Variants in DLGAP2 observed in about 807,000 individuals in gnomAD.
DLGAP2 encodes DLG associated protein 2.
In DLGAP2, 26 loss-of-function variants were observed where a neutral mutation model predicts 100.3. That is an observed-to-expected ratio of 0.26 (90% CI 0.19 to 0.36). The LOEUF (loss-of-function observed/expected upper bound fraction) is 0.36, where lower values mean the gene tolerates loss of function less well. Among genes scored for constraint, DLGAP2 ranks in the 10% least tolerant of loss-of-function variants. The pLI is 1.00. For synonymous variants in DLGAP2, 886 were observed against 630.1 expected, an observed-to-expected ratio of 1.41 and a Z score of -6.08; for missense variants, 1,858 against 1,453.2, an observed-to-expected ratio of 1.28 and a Z score of -4.53.
At chr8:975,822 A>G (rs185542127) in intron 2 of DLGAP2, among the ~76,000 whole-genome samples, 51 of 152,342 alleles carry the variant, frequency 3.3e-4, no homozygotes, top group African/African-American at 1.2e-3. Context: ...ATCAGAAGCA[A>G]AACACTCTTA....
At chr8:1,310,703 G>T (rs1800593855) in intron 3 of DLGAP2, among the ~76,000 whole-genome samples, 1 of 152,000 alleles carries the variant, frequency 6.6e-6, no homozygotes, top group East Asian at 1.9e-4. Context: ...TGTCACCCAG[G>T]CTGGAGTGCA....
Position 1,179,179 on chromosome 8 carries a change from G to A in DLGAP2, c.74-79672G>A, listed in dbSNP as rs73534868. Among the ~76,000 whole-genome samples, 1,153 of 152,362 alleles carry A rather than the reference G, an allele frequency of 7.6e-3. 18 individuals are homozygous for A. The highest frequency in any genetic ancestry group is 0.026 in the African/African-American group (1,091 of 41,592). On this transcript the variant is annotated intron_variant, in intron 2 of 14. Transcript: ENST00000637795. ...TTCTTTAATCCCTCAAGTGCCCAAA[G>A]AAAGTAAATGGCAAAGCCTGTTGTT... is the stretch of plus-strand genomic sequence containing the variant.
chr8:818,642 T>C (rs1394911555), intron 1 of DLGAP2, among the ~76,000 whole-genome samples: 1 of 152,206 alleles, frequency 6.6e-6, no homozygotes, highest in Non-Finnish European at 1.5e-5. Context: ...TAGTCCTGCC[T>C]CCTATCTGTC....
chr8:1,549,213 G>T lies in DLGAP2; in HGVS notation c.760G>T (p.Ala254Ser). ...HSLEGSSKSN[A>S]NGTKADGRAD... The stretch of plus-strand genomic sequence containing the variant: ...GCTGGAGGGCTCCTCCAAAAGCAAC[G>T]CCAACGGCACCAAGGCGGACGGCCG... The change falls in exon 5 of 15, where the codon GCC becomes TCC. Residue 254 changes from alanine to serine, a missense_variant. By Grantham distance (99) the Ala-to-Ser change is moderately conservative. Coordinates refer to ENST00000637795, the MANE Select transcript of DLGAP2 (RefSeq NM_001346810.2). 1 of 1,602,802 alleles carries T rather than the reference G, an allele frequency of 6.2e-7. No individual in the cohort carries two copies. Among genetic ancestry groups the T allele is most frequent in the Non-Finnish European group, 8.5e-7 (1 of 1,175,510 alleles).
At chr8:1,174,092 T>C (rs552040095) in intron 2 of DLGAP2, among the ~76,000 whole-genome samples, 45 of 152,122 alleles carry the variant, frequency 3.0e-4, no homozygotes, top group Non-Finnish European at 5.1e-4. Flanking sequence ...GGGAGCAGTG[T>C]TAAACAGTGA....
At chr8:1,694,107 C>T (rs1044587942) in intron 13 of DLGAP2, among the ~76,000 whole-genome samples, 2 of 152,200 alleles carry the variant, frequency 1.3e-5, no homozygotes, top group Non-Finnish European at 2.9e-5. Flanking sequence ...ATTGTTCATC[C>T]TAATATTTGT....
rs34991453 is a variant in DLGAP2, at chr8:741,106, T to C, written c.18+3281T>C. ...AGGCTTTCTAGTGCCACTAACTTCT[T>C]CAATATGTTTTGTTGTTTCCTGGGT... On this transcript the variant is annotated intron_variant, in intron 1 of 14. Transcript: ENST00000637795. Among the ~76,000 whole-genome samples the C allele has an allele frequency of 8.1e-3, 1,236 of 152,348 alleles. 3 individuals are homozygous for C. The highest frequency in any genetic ancestry group is 0.017 in the South Asian group (83 of 4,832).
intron 2 of DLGAP2, among the ~76,000 whole-genome samples, chr8:986,431 C>T (rs561037813): frequency 7.1e-4 from 108 of 152,254 alleles, no homozygotes; most frequent in African/African-American, 2.6e-3. Flanking sequence ...TTTCTCTAGA[C>T]ATTTTAGTAT....
intron 6 of DLGAP2, among the ~76,000 whole-genome samples, chr8:1,614,955 C>T (rs192568840): frequency 1.3e-5 from 2 of 152,366 alleles, no homozygotes; most frequent in East Asian, 1.9e-4. Context: ...CGCGCTCACT[C>T]GCGGCTGCCC....
At chr8:868,354 C>T (rs184492250) in intron 1 of DLGAP2, among the ~76,000 whole-genome samples, 18 of 152,244 alleles carry the variant, frequency 1.2e-4, no homozygotes, top group Non-Finnish European at 2.6e-4. Context: ...CATGTACTTA[C>T]AAGGTCACCT....
intron 2 of DLGAP2, among the ~76,000 whole-genome samples, chr8:1,255,041 C>CTGGGT (rs1799155959): frequency 1.6e-5 from 1 of 60,870 alleles, no homozygotes; most frequent in African/African-American, 5.2e-5. Context: ...CCTGCCCAGC[C>CTGGGT]GCTGTGTGTG....
chr8:1,357,719 A>C (rs1801889029), intron 3 of DLGAP2, among the ~76,000 whole-genome samples: 1 of 152,198 alleles, frequency 6.6e-6, no homozygotes, highest in South Asian at 2.1e-4. Flanking sequence ...TGCGATACGC[A>C]GCACCACACC....
chr8:1,320,569 A>G (rs28623214), intron 3 of DLGAP2, among the ~76,000 whole-genome samples: 55,656 of 152,058 alleles, frequency 0.37, 10,602 homozygotes, highest in Middle Eastern at 0.47. Flanking sequence ...GCTTGAGCTC[A>G]GCCTGGTGCT....
At chr8:771,602 C>T (rs1012128516) in intron 1 of DLGAP2, among the ~76,000 whole-genome samples, 3 of 152,212 alleles carry the variant, frequency 2.0e-5, no homozygotes, top group South Asian at 4.1e-4. Context: ...TAGTCCAACC[C>T]AGGTGGTTTA....
Position 786,647 on chromosome 8 carries a change from C to G in DLGAP2, c.18+48822C>G, listed in dbSNP as rs149506073. Among the ~76,000 whole-genome samples, 464 of 151,922 alleles carry G rather than the reference C, an allele frequency of 3.1e-3. 1 individual carries two copies. Among genetic ancestry groups the G allele is most frequent in the African/African-American group, 0.011 (437 of 41,416 alleles). On this transcript the variant is annotated intron_variant, in intron 1 of 14. Transcript: ENST00000637795. The stretch of plus-strand genomic sequence containing the variant: ...AGAGACGGGCGCTGCCTCGGTGGTG[C>G]CTGCAGAGACCTCCGGGGAGGGGCC...
rs182502002 is a variant in DLGAP2 at position 910,116 on chromosome 8, G to C, written c.73+2150G>C. Among the ~76,000 whole-genome samples, 73 of 152,324 alleles carry C rather than the reference G, an allele frequency of 4.8e-4. No individual in the cohort carries two copies. In the East Asian group the frequency reaches 0.011, roughly 23 times the overall value. ...GGAGGGTGGGGACGGCTGCCCGGCCGTGAGAATGTAGCGAATGCTCCAAAC... is the reference window on the plus strand; with the variant it reads ...GGAGGGTGGGGACGGCTGCCCGGCCCTGAGAATGTAGCGAATGCTCCAAAC... On this transcript the variant is annotated intron_variant, in intron 2 of 14. Coordinates refer to ENST00000637795, the MANE Select transcript of DLGAP2 (RefSeq NM_001346810.2).
chr8:1,513,402 C>A (rs915715354), intron 4 of DLGAP2, among the ~76,000 whole-genome samples: 1 of 151,944 alleles, frequency 6.6e-6, no homozygotes, highest in African/African-American at 2.4e-5. Flanking sequence ...AAGGGAGAGG[C>A]CACAGGCCAG....
At chr8:903,996 T>C (rs933733443) in intron 1 of DLGAP2, among the ~76,000 whole-genome samples, 11 of 152,204 alleles carry the variant, frequency 7.2e-5, no homozygotes, top group African/African-American at 2.7e-4. Context: ...CCTGGGCCTC[T>C]GGACGCAGGG....
At position 1,678,433 on chromosome 8, in the gene DLGAP2, A is replaced by G; in HGVS notation, c.2508A>G (p.Gln836=). ...LFSYREDYRT[Q]VDTSTLPPPD... is the part of the protein sequence containing the mutation. ...GCTATAGAGAAGACTATCGGACCCA[A>G]GTGGACACCTCCACCCTGCCCCCTC... The change falls in exon 12 of 15, where the codon CAA becomes CAG. Residue 836 remains glutamine (Q), a synonymous_variant. Coordinates refer to ENST00000637795, the MANE Select transcript of DLGAP2 (RefSeq NM_001346810.2). 1 of 1,613,696 alleles carries G rather than the reference A, an allele frequency of 6.2e-7. No individual in the cohort carries two copies. The highest frequency in any genetic ancestry group is 8.5e-7 in the Non-Finnish European group (1 of 1,179,724).
Sources: allele counts gnomAD v4.1 joint callset (sites outside exome capture counted in the v4.1 genomes callset), GRCh38; gene constraint gnomAD v4.1.1; transcripts MANE v1.5; gene names NCBI Gene and HGNC (gene_info 2026-07-23, HGNC 2026-07-21).